The following ADGRG2 variants were observed in gnomAD, a reference collection of about 807,000 sequenced individuals.
The protein encoded by ADGRG2 is G protein-coupled receptor 64.
A neutral mutation model predicts 74.1 loss-of-function variants in ADGRG2; 26 were observed. That is an observed-to-expected ratio of 0.35 (90% CI 0.26 to 0.49). The LOEUF is 0.49. ADGRG2 is among the 20% of genes least tolerant of loss of function. The pLI is 0.99. For synonymous variants in ADGRG2, 296 were observed against 295.2 expected, an observed-to-expected ratio of 1.00 and a Z score of -0.03; for missense variants, 619 against 763.1, an observed-to-expected ratio of 0.81 and a Z score of 2.22.
At chrX:19,082,034 C>CTGCG (rs1422601719) in intron 2 of ADGRG2, among the ~76,000 whole-genome samples, 1 of 88,634 alleles carries the variant, frequency 1.1e-5, no homozygotes, top group Non-Finnish European at 2.1e-5. Context: ...GACTGCGCCA[C>CTGCG]TGCGCTCCTA....
intron 1 of ADGRG2, among the ~76,000 whole-genome samples, chrX:19,109,301 A>C (rs1371593641): frequency 1.8e-5 from 2 of 111,781 alleles, no homozygotes; most frequent in Non-Finnish European, 3.8e-5. Flanking sequence ...CAAATACCCC[A>C]AAAACATGTG....
chrX:19,110,367 T>G (rs771732078), intron 1 of ADGRG2, among the ~76,000 whole-genome samples: 80 of 111,319 alleles, frequency 7.2e-4, no homozygotes, highest in Middle Eastern at 4.6e-3. Context: ...GAGATCTGAA[T>G]GATGAGGAAC....
chrX:19,112,988 C>CAAAAA (rs756477082), intron 1 of ADGRG2, among the ~76,000 whole-genome samples: 1 of 71,430 alleles, frequency 1.4e-5, no homozygotes. Flanking sequence ...AAAAAAAAAC[C>CAAAAA]AAAAAAAAAA....
chrX:19,060,088 C>T (rs764795051), intron 3 of ADGRG2, among the ~76,000 whole-genome samples: 89 of 111,645 alleles, frequency 8.0e-4, no homozygotes, highest in East Asian at 3.9e-3. Context: ...TCCGAGATCG[C>T]GCCACTGCAC....
At chrX:19,083,026 C>T (rs934471377) in intron 1 of ADGRG2, among the ~76,000 whole-genome samples, 5 of 111,231 alleles carry the variant, frequency 4.5e-5, no homozygotes, top group East Asian at 2.8e-4. Flanking sequence ...TGTTTTGAGA[C>T]GGAGTCTCAC....
chrX:18,999,938 G>A lies in ADGRG2; in HGVS notation c.2253C>T (p.Thr751=). 1 of 1,172,713 alleles carries A rather than the reference G, an allele frequency of 8.5e-7. No individual in the cohort carries two copies. Among genetic ancestry groups the A allele is most frequent in the Non-Finnish European group, 1.2e-6 (1 of 861,081 alleles). ...VGWGVPAVVV[T]IILTISPDNY... The stretch of plus-strand genomic sequence containing the variant: ...TATCTGGGGATATAGTCAGGATGAT[G>A]GTCACAACCACAGCTGGTACCCCTG... The change falls in exon 25 of 29, where the codon ACC becomes ACT. Residue 751 remains threonine, a synonymous_variant. Transcript: ENST00000379869.
At chrX:19,053,442 G>A (rs775471541) in intron 3 of ADGRG2, among the ~76,000 whole-genome samples, 2 of 111,435 alleles carry the variant, frequency 1.8e-5, no homozygotes, top group South Asian at 3.8e-4. Context: ...CATAGTCCAC[G>A]TGACCCTGTC....
At chrX:19,073,206 G>C (rs945278018) in intron 2 of ADGRG2, among the ~76,000 whole-genome samples, 3 of 112,212 alleles carry the variant, frequency 2.7e-5, no homozygotes, top group African/African-American at 9.7e-5. Flanking sequence ...AGCAATGCAA[G>C]AACAGCCTAA....
At chrX:19,063,961 C>T (rs1172669509) in intron 3 of ADGRG2, among the ~76,000 whole-genome samples, 4 of 111,677 alleles carry the variant, frequency 3.6e-5, no homozygotes, top group Non-Finnish European at 1.9e-5. Context: ...TTATGGGGTA[C>T]AATGCAACTG....
rs772861857 is a variant in ADGRG2 at position 19,004,875 on chromosome X, A to G, written c.1844T>C (p.Leu615Pro). 8.5e-7 allele frequency: 1 copy of G among 1,170,248 alleles called. No homozygotes were observed. Residue 615 changes from leucine (L) to proline (P), a missense_variant, in exon 23 of 29, where the codon CTA becomes CCA. By Grantham distance (98) the Leu-to-Pro change is moderately conservative (BLOSUM62 -3). Coordinates refer to ENST00000379869, the MANE Select transcript of ADGRG2 (RefSeq NM_001079858.3). Reference protein sequence around the residue: ...HLTSFGVLLDLSRTSVLPAQM... With the variant: ...HLTSFGVLLDPSRTSVLPAQM... ...AGCAGGCAGCACAGATGTCCTAGAT[A>G]GGTCCTGGAAAATGAAATATTGCTT... is the stretch of plus-strand genomic sequence containing the variant.
At chrX:19,110,511 C>T (rs1383207733) in intron 1 of ADGRG2, among the ~76,000 whole-genome samples, 2 of 109,631 alleles carry the variant, frequency 1.8e-5, no homozygotes, top group African/African-American at 6.6e-5. Flanking sequence ...GGCAAAACCC[C>T]ATCTTCTCTA....
chrX:19,063,679 CAAGGACTCACAGTACA>C (rs960309765), intron 3 of ADGRG2, among the ~76,000 whole-genome samples: 4 of 112,034 alleles, frequency 3.6e-5, no homozygotes, highest in African/African-American at 1.3e-4. Context: ...CCGCACACTG[CAAGGACTCACAGTACA>C]AAGGAAGCCC....
chrX:19,081,989 C>T (rs2061853229), intron 2 of ADGRG2, among the ~76,000 whole-genome samples: 1 of 97,727 alleles, frequency 1.0e-5, no homozygotes, highest in Non-Finnish European at 2.0e-5. Flanking sequence ...GGGAGGATCA[C>T]TTGAGCCTGG....
At chrX:18,995,976 T>C in intron 27 of ADGRG2, 75 bp downstream of exon 27, 1 of 542,848 alleles carries the variant, frequency 1.8e-6, no homozygotes, top group Non-Finnish European at 3.2e-6. Flanking sequence ...TAGATTGGAT[T>C]TGCTTTGGAT....
chrX:19,020,432 A>G (rs191318154), intron 14 of ADGRG2, among the ~76,000 whole-genome samples: 219 of 111,376 alleles, frequency 2.0e-3, no homozygotes, highest in Non-Finnish European at 3.5e-3. Flanking sequence ...GGTTTATCAT[A>G]TTATCAAATA....
At chrX:19,001,457 T>C (rs2060130865) in intron 24 of ADGRG2, among the ~76,000 whole-genome samples, 1 of 111,796 alleles carries the variant, frequency 8.9e-6, no homozygotes, top group Non-Finnish European at 1.9e-5. Flanking sequence ...TAATAGTTCA[T>C]TTAATGCCTT....
chrX:19,061,424 A>C (rs2061488290), intron 3 of ADGRG2, among the ~76,000 whole-genome samples: 1 of 112,287 alleles, frequency 8.9e-6, no homozygotes, highest in African/African-American at 3.2e-5. Flanking sequence ...CTGAAAAGAT[A>C]AAACCTGGAG....
intron 1 of ADGRG2, among the ~76,000 whole-genome samples, chrX:19,099,132 T>C (rs759334189): frequency 1.4e-3 from 159 of 110,352 alleles, no homozygotes; most frequent in African/African-American, 4.9e-3. Context: ...TGCAGTGAGC[T>C]GAGATCGCGC....
chrX:19,091,962 T>C (rs914278061), intron 1 of ADGRG2, among the ~76,000 whole-genome samples: 7 of 112,353 alleles, frequency 6.2e-5, no homozygotes, highest in African/African-American at 1.6e-4. Context: ...TGACGCGACT[T>C]GGGTCTGGGT....
Sources: gnomAD v4.1 joint callset for allele counts (sites outside exome capture counted in the v4.1 genomes callset) on GRCh38, gnomAD v4.1.1 for gene constraint, MANE v1.5 for transcripts, NCBI Gene and HGNC (gene_info 2026-07-23, HGNC 2026-07-21) for gene names.